Variants in TEDC2 observed in about 807,000 individuals in gnomAD.
TEDC2 encodes the protein tubulin epsilon and delta complex 2, also known as tubulin epsilon and delta complex protein 2.
Under a neutral mutation model 48.1 loss-of-function variants are expected in TEDC2, and 49 were observed. The ratio of observed to expected loss-of-function variants is 1.02; its 90% confidence interval spans 0.81 to 1.29. The LOEUF is 1.29. Ranked by LOEUF, TEDC2 falls within the 50% of genes most tolerant of loss-of-function variation. The pLI, the probability that TEDC2 is intolerant of heterozygous loss-of-function variation, is 0.00. For missense variants in TEDC2, 631 were observed against 571.4 expected (o/e 1.10, Z -1.06); for synonymous variants, 299 against 247.1 (o/e 1.21, Z -1.97).
Position 2,462,481 on chromosome 16 carries a change from G to T in TEDC2, c.817G>T (p.Ala273Ser). Residue 273 changes from alanine to serine, a missense_variant, in exon 7 of 10, where the codon GCC (alanine) becomes TCC (serine). Ala to Ser is a moderately conservative substitution (Grantham distance 99). Transcript: ENST00000361837. ...VEAEAGRLRKACSLLRLRMRE... is the reference protein window; with the variant it reads ...VEAEAGRLRKSCSLLRLRMRE... ...GGCGGAGGCGGGGCGCCTGCGGAAG[G>T]CCTGCTCGCTGCTGAGACTGCGCAT... The T allele has an allele frequency of 1.2e-6, 2 of 1,610,236 alleles. No individual in the cohort carries two copies. Among genetic ancestry groups the T allele is most frequent in the South Asian group, 1.1e-5 (1 of 90,792 alleles).
At chr16:2,462,957 C>T (rs1419133869) in intron 8 of TEDC2, among the ~76,000 whole-genome samples, 1 of 152,232 alleles carries the variant, frequency 6.6e-6, no homozygotes, top group Non-Finnish European at 1.5e-5. Context: ...GCAGCTCTCC[C>T]ACCTCGCTGC....
At chr16:2,463,439 C>A (rs1260153164) in intron 8 of TEDC2, among the ~76,000 whole-genome samples, 1 of 151,914 alleles carries the variant, frequency 6.6e-6, no homozygotes, top group Non-Finnish European at 1.5e-5. Context: ...CCAGCCTGGC[C>A]GACATGACGA....
chr16:2,462,219 C>T lies in TEDC2; in HGVS notation c.730C>T (p.Leu244Phe). The change falls in exon 6 of 10, where the codon CTC becomes TTC. Residue 244 changes from leucine (L) to phenylalanine (F), a missense_variant. Transcript: ENST00000361837. The stretch of plus-strand genomic sequence containing the variant: ...TGCCGCCGCTGCCAAAACCCAGTTC[C>T]TCCAGAACATGCAGACAGCTGTATC... The part of the protein sequence containing the change: ...TDAAAAKTQF[L>F]QNMQTASGGP... 1 of 1,613,426 alleles carries T rather than the reference C, an allele frequency of 6.2e-7. No individual in the cohort carries two copies. The highest frequency in any genetic ancestry group is 8.5e-7 in the Non-Finnish European group (1 of 1,180,024).
Position 2,462,200 on chromosome 16 carries a change from C to T in TEDC2, c.711C>T (p.Ala237=), listed in dbSNP as rs781322033. Residue 237 remains alanine (A), a synonymous_variant, in exon 6 of 10, where the codon GCC becomes GCT. Coordinates refer to ENST00000361837, the MANE Select transcript of TEDC2 (RefSeq NM_025108.3). ...AGACCAGTGATTCCACGGATGCCGC[C>T]GCTGCCAAAACCCAGTTCCTCCAGA... The part of the protein sequence containing the change: ...STQTSDSTDA[A]AAKTQFLQNM... The T allele has an allele frequency of 4.2e-5, 68 of 1,613,338 alleles. No homozygotes were observed. Among genetic ancestry groups the T allele is most frequent in the Non-Finnish European group, 5.0e-5 (59 of 1,180,030 alleles).
At position 2,461,755 on chromosome 16, in the gene TEDC2, T is replaced by C. The variant is rs2065468197; in HGVS notation, c.614T>C (p.Leu205Pro). The C allele has an allele frequency of 1.2e-6, 2 of 1,613,218 alleles. No homozygotes were observed. Among genetic ancestry groups the C allele is most frequent in the East Asian group, 2.2e-5 (1 of 44,864 alleles). Reference protein sequence around the residue: ...AFTLKEKGHLLRLPAAFRKAA... With the variant: ...AFTLKEKGHLPRLPAAFRKAA... ...ACGGGCTTCTCCGACAGGCACCTGC[T>C]GCGGCTGCCTGCGGCATTCAGGAAA... Residue 205 changes from leucine to proline, a missense_variant, in exon 5 of 10, where the codon CTG becomes CCG. Physicochemically the swap from Leu to Pro is moderately conservative, Grantham distance 98. Coordinates refer to ENST00000361837, the MANE Select transcript of TEDC2 (RefSeq NM_025108.3).
intron 4 of TEDC2, 187 bp from the exon 5 acceptor site, chr16:2,461,560 G>A: frequency 7.2e-6 from 5 of 691,528 alleles, no homozygotes; most frequent in Middle Eastern, 3.4e-4. Flanking sequence ...TCTCTAATGG[G>A]GCAGCACTGG....
At chr16:2,462,550 C>T in intron 7 of TEDC2, 24 bp downstream of exon 7, 1 of 1,579,308 alleles carries the variant, frequency 6.3e-7, no homozygotes, top group Non-Finnish European at 8.6e-7. Context: ...GGGTCTGTAT[C>T]AGGAGGAGTG....
Position 2,462,733 on chromosome 16 carries a change from G to A in TEDC2, c.964+1G>A. ...CACAGGCTGCAGGAGCTGCGTGCAG[G>A]TGAGACCCCGCCCCCACCCTGCCAC... On this transcript the variant is annotated splice_donor_variant, in intron 8 of 9. Transcript: ENST00000361837. LOFTEE classifies it high-confidence loss of function. 1.3e-6 allele frequency: 2 copies of A among 1,536,862 alleles called. No individual in the cohort carries two copies. Among genetic ancestry groups the A allele is most frequent in the Non-Finnish European group, 1.7e-6 (2 of 1,144,056 alleles).
At chr16:2,463,257 C>G (rs1251105944) in intron 8 of TEDC2, among the ~76,000 whole-genome samples, 1 of 151,310 alleles carries the variant, frequency 6.6e-6, no homozygotes, top group Non-Finnish European at 1.5e-5. Context: ...GGAGGAGGAG[C>G]TTGCAGTGAG....
chr16:2,461,555 A>C, intron 4 of TEDC2, 192 bp from the exon 5 acceptor site: 1 of 675,642 alleles, frequency 1.5e-6, no homozygotes, highest in Non-Finnish European at 2.5e-6. Context: ...TCTTCTCTCT[A>C]ATGGGGCAGC....
Position 2,462,257 on chromosome 16 carries a change from G to T in TEDC2, c.750+18G>T. 1 of 1,612,446 alleles carries T rather than the reference G, an allele frequency of 6.2e-7. No individual in the cohort carries two copies. The highest frequency in any genetic ancestry group is 8.5e-7 in the Non-Finnish European group (1 of 1,179,704). ...AGACAGCTGTATCCTTGCTGGGCTT[G>T]TGGGAGCCCTGGGGGCCTCTAGCTC... On this transcript the variant is annotated intron_variant, in intron 6 of 9. Coordinates refer to ENST00000361837, the MANE Select transcript of TEDC2 (RefSeq NM_025108.3).
In TEDC2 at chr16:2,460,877, G is replaced by C; in HGVS notation, c.258G>C (p.Lys86Asn). ...AGTTTCTGACCCAGGCACTGGAGAA[G>C]GCTGTACGAGTTCGAAGAGGCATCA... is the stretch of plus-strand genomic sequence containing the variant. Reference protein sequence around the residue: ...ELEFLTQALEKAVRVRRGITK... With the variant: ...ELEFLTQALENAVRVRRGITK... The change falls in exon 4 of 10, where the codon AAG (lysine) becomes AAC (asparagine). Residue 86 changes from lysine to asparagine, a missense_variant. Transcript: ENST00000361837. 2 of 1,613,576 alleles carry C rather than the reference G, an allele frequency of 1.2e-6. No individual in the cohort carries two copies. Among genetic ancestry groups the C allele is most frequent in the South Asian group, 1.1e-5 (1 of 91,088 alleles).
chr16:2,460,550 C>T, intron 2 of TEDC2, 73 bp from the exon 3 acceptor site: 3 of 1,575,450 alleles, frequency 1.9e-6, no homozygotes, highest in South Asian at 1.1e-5. Flanking sequence ...CCGCGGGGCC[C>T]GGCGGCCCCC....
In TEDC2 at chr16:2,461,573, G is replaced by A. The variant is rs2065466996; in HGVS notation, c.606-174G>A. On this transcript the variant is annotated intron_variant, in intron 4 of 9. Coordinates refer to ENST00000361837, the MANE Select transcript of TEDC2 (RefSeq NM_025108.3). ...TCTCTCTAATGGGGCAGCACTGGACGATGCTTCTCCTATGGCCACTCTGGA... is the reference window on the plus strand; with the variant it reads ...TCTCTCTAATGGGGCAGCACTGGACAATGCTTCTCCTATGGCCACTCTGGA... The A allele has an allele frequency of 8.1e-6, 6 of 744,090 alleles. No homozygotes were observed. The South Asian group carries it at 8.9e-5, about 11-fold the overall frequency. The allele number at this position is 744,090 out of a possible 1,614,324, so 46.1% of individuals were successfully genotyped here.
At position 2,461,746 on chromosome 16, in the gene TEDC2, G is replaced by C; in HGVS notation, c.606-1G>C. 1.2e-6 allele frequency: 2 copies of C among 1,613,348 alleles called. No homozygotes were observed. Among genetic ancestry groups the C allele is most frequent in the Non-Finnish European group, 1.7e-6 (2 of 1,179,992 alleles). On this transcript the variant is annotated splice_acceptor_variant, in intron 4 of 9. Transcript: ENST00000361837. LOFTEE classifies it high-confidence loss of function. Reference sequence around the variant, plus strand: ...CCTCTGAACACGGGCTTCTCCGACAGGCACCTGCTGCGGCTGCCTGCGGCA... The same window carrying C: ...CCTCTGAACACGGGCTTCTCCGACACGCACCTGCTGCGGCTGCCTGCGGCA...
Position 2,461,224 on chromosome 16 carries a change from G to C in TEDC2, c.605G>C (p.Gly202Ala). 1 of 1,463,608 alleles carries C rather than the reference G, an allele frequency of 6.8e-7. No individual in the cohort carries two copies. The highest frequency in any genetic ancestry group is 9.0e-7 in the Non-Finnish European group (1 of 1,105,990). The allele number at this position is 1,463,608 out of a possible 1,614,324, so 90.7% of individuals were successfully genotyped here. ...GAAGCCTTCACACTCAAGGAGAAGG[G>C]GTAGGTTTCCCGGACCCTCACTGGA... The part of the protein sequence containing the change: ...APEAFTLKEK[G>A]HLLRLPAAFR... The change falls in exon 4 of 10, where the codon GGG becomes GCG. Residue 202 changes from glycine (G) to alanine (A), a missense_variant and splice_region_variant. Coordinates refer to ENST00000361837, the MANE Select transcript of TEDC2 (RefSeq NM_025108.3).
chr16:2,460,432 C>T, intron 2 of TEDC2, 51 bp downstream of exon 2: 1 of 1,537,352 alleles, frequency 6.5e-7, no homozygotes, highest in Non-Finnish European at 8.8e-7. Flanking sequence ...CCCTCAGAGT[C>T]CCGCCCCGAG....
chr16:2,461,565 C>T, intron 4 of TEDC2, 182 bp from the exon 5 acceptor site: 2 of 708,144 alleles, frequency 2.8e-6, no homozygotes, highest in Non-Finnish European at 4.7e-6. Flanking sequence ...AATGGGGCAG[C>T]ACTGGACGAT....
chr16:2,464,735 C>G lies in TEDC2; in HGVS notation c.*67C>G. On this transcript the variant is annotated 3_prime_UTR_variant, in exon 10 of 10. Coordinates refer to ENST00000361837, the MANE Select transcript of TEDC2 (RefSeq NM_025108.3). ...GGGGTGTCTTCCCTGGCACTGTGCT[C>G]GGGGACCCAGAGATGCCTGTGCTTC... is the stretch of plus-strand genomic sequence containing the variant. The G allele has an allele frequency of 6.3e-7, 1 of 1,590,992 alleles. No homozygotes were observed. Among genetic ancestry groups the G allele is most frequent in the Non-Finnish European group, 8.6e-7 (1 of 1,168,756 alleles).
Sources: allele counts gnomAD v4.1 joint callset (sites outside exome capture counted in the v4.1 genomes callset), GRCh38; gene constraint gnomAD v4.1.1; transcripts MANE v1.5; gene names NCBI Gene and HGNC (gene_info 2026-07-23, HGNC 2026-07-21).